KIAA1328: variants seen among roughly 807,000 people sequenced by gnomAD.
KIAA1328 encodes KIAA1328, also known as protein hinderin.
A neutral mutation model predicts 68.1 loss-of-function variants in KIAA1328; 52 were observed. The ratio of observed to expected loss-of-function variants is 0.76; its 90% CI spans 0.61 to 0.96. KIAA1328 has a LOEUF of 0.96. Among genes scored for constraint, KIAA1328 ranks in the 40% least tolerant of loss-of-function variants. The pLI is 0.00. For synonymous variants in KIAA1328, 232 were observed against 239.4 expected (o/e 0.97, Z 0.28); for missense variants, 641 against 677.6 (o/e 0.95, Z 0.60).
At chr18:37,199,305 G>A (rs763089048) in intron 9 of KIAA1328, among the ~76,000 whole-genome samples, 1 of 152,064 alleles carries the variant, frequency 6.6e-6, no homozygotes, top group Admixed American at 6.6e-5. Context: ...ATGTGTCCAT[G>A]TGTTACCGTT....
chr18:37,138,298 A>G (rs1046268635), intron 7 of KIAA1328, among the ~76,000 whole-genome samples: 9 of 152,202 alleles, frequency 5.9e-5, no homozygotes, highest in African/African-American at 2.2e-4. Flanking sequence ...AAGAAATTAC[A>G]TCTATCAGAA....
intron 9 of KIAA1328, among the ~76,000 whole-genome samples, chr18:37,190,734 T>C (rs755437149): frequency 1.3e-5 from 2 of 152,198 alleles, no homozygotes; most frequent in African/African-American, 4.8e-5. Context: ...CTTCAATTTA[T>C]CATTGATTTT....
intron 6 of KIAA1328, among the ~76,000 whole-genome samples, chr18:36,976,755 A>G (rs1341833104): frequency 6.6e-6 from 1 of 152,128 alleles, no homozygotes; most frequent in Admixed American, 6.5e-5. Context: ...GATGTTATCT[A>G]AGATTCCTTC....
At chr18:36,959,190 C>A in intron 5 of KIAA1328, 118 bp from the exon 6 acceptor site, 2 of 944,906 alleles carry the variant, frequency 2.1e-6, no homozygotes, top group Non-Finnish European at 3.0e-6. Context: ...ACTTATGACT[C>A]TCGCCAAATA....
intron 6 of KIAA1328, among the ~76,000 whole-genome samples, chr18:36,992,636 A>G (rs1317796440): frequency 6.6e-6 from 1 of 152,062 alleles, no homozygotes; most frequent in Non-Finnish European, 1.5e-5. Flanking sequence ...TATGTAATTG[A>G]GCATTTTTAC....
chr18:36,933,716 TTAGA>T (rs1275724477), intron 5 of KIAA1328, among the ~76,000 whole-genome samples: 2 of 152,188 alleles, frequency 1.3e-5, no homozygotes, highest in African/African-American at 4.8e-5. Context: ...GAGAAAGTAC[TTAGA>T]TAGAGCTGCA....
At chr18:37,004,869 G>A (rs565662579) in intron 6 of KIAA1328, among the ~76,000 whole-genome samples, 9 of 152,106 alleles carry the variant, frequency 5.9e-5, no homozygotes, top group African/African-American at 2.2e-4. Context: ...ATCAGTCAAT[G>A]AGTGGATAAA....
In KIAA1328 at chr18:36,901,091, A is replaced by C. The variant is rs182251906; in HGVS notation, c.448+15419A>C. Among the ~76,000 whole-genome samples the C allele has an allele frequency of 8.5e-5, 13 of 152,122 alleles. No homozygotes were observed. In the East Asian group the frequency reaches 2.1e-3, roughly 25 times the overall value. On this transcript the variant is annotated intron_variant, in intron 5 of 9. Transcript: ENST00000280020. Reference sequence around the variant, plus strand: ...TATCATGTTCCTTATGAATATTTAGAGTTCTGCTTCTGAAATGTTGATCTT... The same window carrying C: ...TATCATGTTCCTTATGAATATTTAGCGTTCTGCTTCTGAAATGTTGATCTT...
In KIAA1328 at chr18:36,888,289, C is replaced by T. The variant is rs372806247; in HGVS notation, c.448+2617C>T. 1.4e-4 allele frequency among the ~76,000 whole-genome samples: 22 copies of T among 152,112 alleles called. No individual in the cohort carries two copies. The South Asian group carries it at 1.7e-3, about 11-fold the overall frequency. ...TTGTGCACCAACTGCAGAGTAATTG[C>T]AGCAAATACCCTATGCCTTTCCTAA... On this transcript the variant is annotated intron_variant, in intron 5 of 9. Transcript: ENST00000280020.
chr18:37,205,351 T>G (rs1038337755), intron 9 of KIAA1328, among the ~76,000 whole-genome samples: 1 of 152,194 alleles, frequency 6.6e-6, no homozygotes, highest in Non-Finnish European at 1.5e-5. Flanking sequence ...GAGTAAAGTC[T>G]GCTCCTAGAT....
At chr18:37,214,216 T>A (rs1313036933) in intron 9 of KIAA1328, among the ~76,000 whole-genome samples, 1 of 152,226 alleles carries the variant, frequency 6.6e-6, no homozygotes, top group African/African-American at 2.4e-5. Context: ...AGTCATGAAG[T>A]CCTTGCGAAT....
chr18:37,085,943 T>C (rs2057090168), intron 7 of KIAA1328, among the ~76,000 whole-genome samples: 1 of 152,220 alleles, frequency 6.6e-6, no homozygotes, highest in Non-Finnish European at 1.5e-5. Flanking sequence ...AGCTGAACTA[T>C]CTACTATTCT....
chr18:37,202,263 A>C (rs984617428), intron 9 of KIAA1328, among the ~76,000 whole-genome samples: 1 of 152,232 alleles, frequency 6.6e-6, no homozygotes, highest in Admixed American at 6.5e-5. Flanking sequence ...ATGAAAGGTT[A>C]TAACAAAATT....
At position 37,075,639 on chromosome 18, in the gene KIAA1328, T is replaced by C. The variant is rs565808381; in HGVS notation, c.1232+8094T>C. On this transcript the variant is annotated intron_variant, in intron 7 of 9. Transcript: ENST00000280020. ...CTCAAAATAAAAGGATGGAGGAAGA[T>C]CTACCAAGCAAATGGAGAACAAAAA... 4.6e-5 allele frequency: 7 copies of C among 152,190 alleles called. No individual in the cohort carries two copies. In the South Asian group the frequency reaches 1.2e-3, roughly 27 times the overall value. 9.4% of individuals were successfully genotyped at this position (152,190 alleles called of 1,614,324 possible).
chr18:37,138,428 A>G (rs1193180127), intron 7 of KIAA1328, among the ~76,000 whole-genome samples: 1 of 152,126 alleles, frequency 6.6e-6, no homozygotes, highest in Non-Finnish European at 1.5e-5. Context: ...CCACACATCT[A>G]AGTTACATCT....
At chr18:37,160,463 T>C in intron 8 of KIAA1328, 82 bp downstream of exon 8, 2 of 1,308,542 alleles carry the variant, frequency 1.5e-6, no homozygotes, top group Non-Finnish European at 1.1e-6. Flanking sequence ...GATGATTTCC[T>C]ACAATGCTGA....
At chr18:37,130,332 C>A (rs1420666705) in intron 7 of KIAA1328, among the ~76,000 whole-genome samples, 1 of 152,078 alleles carries the variant, frequency 6.6e-6, no homozygotes, top group Non-Finnish European at 1.5e-5. Context: ...AAATGTTAGC[C>A]TAGTCTGCCG....
intron 9 of KIAA1328, among the ~76,000 whole-genome samples, chr18:37,188,111 C>G (rs2059838410): frequency 6.6e-6 from 1 of 152,176 alleles, no homozygotes; most frequent in African/African-American, 2.4e-5. Context: ...GACTTTCACT[C>G]GAATGCATTT....
chr18:37,021,313 T>A (rs937613508), intron 6 of KIAA1328, among the ~76,000 whole-genome samples: 2 of 152,188 alleles, frequency 1.3e-5, no homozygotes, highest in African/African-American at 4.8e-5. Flanking sequence ...ACAAATGCAA[T>A]AAATCAGCCT....
Sources: allele counts gnomAD v4.1 joint callset (sites outside exome capture counted in the v4.1 genomes callset), GRCh38; gene constraint gnomAD v4.1.1; transcripts MANE v1.5; gene names NCBI Gene and HGNC (gene_info 2026-07-23, HGNC 2026-07-21).